SRRM4: variants seen among roughly 807,000 people sequenced by gnomAD.
The protein encoded by SRRM4 is serine/arginine repetitive matrix 4.
Under a neutral mutation model 68.9 loss-of-function variants are expected in SRRM4, and 33 were observed. The ratio of observed to expected loss-of-function variants is 0.48; its 90% CI spans 0.36 to 0.64. The LOEUF (loss-of-function observed/expected upper bound fraction) is 0.64. Among genes scored for constraint, SRRM4 ranks in the 30% least tolerant of loss-of-function variants. The probability of loss-of-function intolerance (pLI) is 0.00; values close to 1 mark genes in which losing one functional copy is unlikely to be tolerated. For synonymous variants in SRRM4, 318 were observed against 318.8 expected (o/e 1.00, Z 0.03); for missense variants, 817 against 827.1 (o/e 0.99, Z 0.15).
chr12:119,080,604 T>C (rs990590445), intron 1 of SRRM4, among the ~76,000 whole-genome samples: 1 of 152,216 alleles, frequency 6.6e-6, no homozygotes, highest in Non-Finnish European at 1.5e-5. Flanking sequence ...CTTCTTCCCA[T>C]GTTGCACGTG....
At chr12:119,086,399 G>A (rs1411377137) in intron 1 of SRRM4, among the ~76,000 whole-genome samples, 5 of 152,096 alleles carry the variant, frequency 3.3e-5, no homozygotes, top group Non-Finnish European at 5.9e-5. Flanking sequence ...CACCACCAGG[G>A]GCTGAGAAAT....
intron 1 of SRRM4, among the ~76,000 whole-genome samples, chr12:119,022,371 A>G (rs1007859520): frequency 1.3e-5 from 2 of 152,184 alleles, no homozygotes; most frequent in Admixed American, 6.5e-5. Context: ...AGTCACAACC[A>G]TGGTTATTAC....
At chr12:119,019,953 C>G (rs1353061144) in intron 1 of SRRM4, among the ~76,000 whole-genome samples, 2 of 75,364 alleles carry the variant, frequency 2.7e-5, no homozygotes, top group Non-Finnish European at 6.7e-5. Context: ...CCCCGCTCCC[C>G]CCCCCCCCAA....
At chr12:119,156,042 C>G (rs28393384) in intron 12 of SRRM4, among the ~76,000 whole-genome samples, 3,156 of 152,220 alleles carry the variant, frequency 0.021, 97 homozygotes, top group East Asian at 0.072. Flanking sequence ...GTCTGTTTAT[C>G]AACTGTACTA....
In SRRM4 at chr12:119,154,121, C is replaced by A; in HGVS notation, c.1392-122C>A. ...CTCCCTCCGGTCTCCCTTGCGGCAA[C>A]GTGCAGACCCCATCCCGTGACCCAG... On this transcript the variant is annotated intron_variant, in intron 11 of 12. Coordinates refer to ENST00000267260, the MANE Select transcript of SRRM4 (RefSeq NM_194286.4). The surrounding 1 kb of genome is among the most constrained non-coding windows in gnomAD (Gnocchi z 4.7). The A allele has an allele frequency of 3.4e-6, 3 of 893,726 alleles. No homozygotes were observed. Among genetic ancestry groups the A allele is most frequent in the South Asian group, 3.4e-5 (2 of 58,712 alleles). The allele number at this position is 893,726 out of a possible 1,614,324, so 55.4% of individuals were successfully genotyped here. A position where few individuals can be genotyped will look rare whatever the true frequency, so the allele number is the denominator to read the frequency against.
intron 8 of SRRM4, among the ~76,000 whole-genome samples, chr12:119,137,233 TG>T (rs1215442086): frequency 6.6e-6 from 1 of 152,062 alleles, no homozygotes; most frequent in Non-Finnish European, 1.5e-5. Context: ...CCTCTCTCTA[TG>T]GGGCCATTTG....
At chr12:118,996,440 G>A (rs1475248064) in intron 1 of SRRM4, among the ~76,000 whole-genome samples, 2 of 152,142 alleles carry the variant, frequency 1.3e-5, no homozygotes, top group African/African-American at 2.4e-5. Flanking sequence ...CTATTCTCAA[G>A]TTGCTTACAT....
At chr12:119,005,189 G>T (rs994773055) in intron 1 of SRRM4, among the ~76,000 whole-genome samples, 9 of 152,234 alleles carry the variant, frequency 5.9e-5, no homozygotes, top group African/African-American at 2.2e-4. Context: ...AGCATTCAGG[G>T]ATTAACCCTT....
chr12:119,111,520 G>A (rs1954143375), intron 2 of SRRM4, among the ~76,000 whole-genome samples: 1 of 152,062 alleles, frequency 6.6e-6, no homozygotes, highest in Admixed American at 6.5e-5. Flanking sequence ...GAAACAATAG[G>A]CTCTTTCCTC....
chr12:119,014,582 C>T (rs1953469835), intron 1 of SRRM4, among the ~76,000 whole-genome samples: 1 of 152,142 alleles, frequency 6.6e-6, no homozygotes, highest in Non-Finnish European at 1.5e-5. Context: ...GCAACCTGAT[C>T]CCCATTCCCA....
intron 9 of SRRM4, 135 bp from the exon 10 acceptor site, chr12:119,150,882 G>C (rs907842027): frequency 1.2e-5 from 9 of 747,780 alleles, no homozygotes; most frequent in Non-Finnish European, 2.0e-5. Flanking sequence ...TCTTTCCAGA[G>C]AGAATAGGAT....
intron 3 of SRRM4, among the ~76,000 whole-genome samples, chr12:119,115,353 T>C (rs887047946): frequency 2.0e-5 from 3 of 152,202 alleles, no homozygotes; most frequent in African/African-American, 7.2e-5. Flanking sequence ...GATTTGCTTG[T>C]AGGCTGCCAC....
At chr12:119,003,287 G>A (rs1021512605) in intron 1 of SRRM4, among the ~76,000 whole-genome samples, 3 of 151,588 alleles carry the variant, frequency 2.0e-5, no homozygotes, top group South Asian at 2.1e-4. Flanking sequence ...CGCCACCAGC[G>A]TCATCCAATC....
At chr12:118,996,615 C>A (rs151281101) in intron 1 of SRRM4, among the ~76,000 whole-genome samples, 2 of 152,260 alleles carry the variant, frequency 1.3e-5, no homozygotes, top group African/African-American at 4.8e-5. Flanking sequence ...AAACGAAGCT[C>A]TGTGTTAGGC....
At chr12:119,045,917 A>G (rs184017760) in intron 1 of SRRM4, among the ~76,000 whole-genome samples, 1 of 152,184 alleles carries the variant, frequency 6.6e-6, no homozygotes, top group Admixed American at 6.5e-5. Context: ...GTGCACCTGT[A>G]GTCCCAGCTA....
chr12:119,107,273 A>C (rs1398666217), intron 2 of SRRM4, among the ~76,000 whole-genome samples: 4 of 152,174 alleles, frequency 2.6e-5, no homozygotes, highest in Non-Finnish European at 4.4e-5. Flanking sequence ...ATTGGGTCTA[A>C]ATTTCTCTTT....
intron 8 of SRRM4, among the ~76,000 whole-genome samples, 166 bp from the exon 9 acceptor site, chr12:119,145,215 T>A (rs533248637): frequency 6.6e-6 from 1 of 152,216 alleles, no homozygotes; most frequent in Non-Finnish European, 1.5e-5. Context: ...TCTGTGGTAT[T>A]CCTTCAGGAA....
chr12:119,140,401 T>A (rs1954357889), intron 8 of SRRM4, among the ~76,000 whole-genome samples: 2 of 151,942 alleles, frequency 1.3e-5, no homozygotes, highest in Admixed American at 6.6e-5. Flanking sequence ...AAATTATTGT[T>A]AACTATAGTC....
chr12:119,130,828 G>T lies in SRRM4; in HGVS notation c.765G>T (p.Arg255Ser). Residue 255 changes from arginine (R) to serine (S), a missense_variant, in exon 8 of 13, where the codon AGG (arginine) becomes AGT (serine). Transcript: ENST00000267260. ...PLQMLGYLSA[R>S]GVITGSGSAA... ...AGATGCTTGGCTACCTGTCAGCCAGGGGTGTAGTAAGTATTCTTCACAGCC... is the reference window on the plus strand; with the variant it reads ...AGATGCTTGGCTACCTGTCAGCCAGTGGTGTAGTAAGTATTCTTCACAGCC... 2.5e-6 allele frequency: 4 copies of T among 1,603,846 alleles called. No individual in the cohort carries two copies. Among genetic ancestry groups the T allele is most frequent in the Non-Finnish European group, 3.4e-6 (4 of 1,179,478 alleles).
Sources: gnomAD v4.1 joint callset for allele counts (sites outside exome capture counted in the v4.1 genomes callset) on GRCh38, gnomAD v4.1.1 for gene constraint, Gnocchi (gnomAD v3.1) non-coding constraint, MANE v1.5 for transcripts, NCBI Gene and HGNC (gene_info 2026-07-23, HGNC 2026-07-21) for gene names.